Variants in PRKACB observed in about 807,000 individuals in gnomAD.
PRKACB encodes the protein protein kinase cAMP-activated catalytic subunit beta.
A neutral mutation model predicts 51.4 loss-of-function variants in PRKACB; 16 were observed. That is an observed-to-expected ratio of 0.31 (90% CI 0.21 to 0.47). PRKACB has a LOEUF of 0.47. Among genes scored for constraint, PRKACB ranks in the 20% least tolerant of loss-of-function variants. The pLI, the probability that PRKACB is intolerant of heterozygous loss-of-function variation, is 1.00. For missense variants in PRKACB, 309 were observed against 464.5 expected (o/e 0.67, Z 3.08); for synonymous variants, 147 against 154.4 (o/e 0.95, Z 0.35).
chr1:84,096,002 A>T (rs2100789974), intron 1 of PRKACB, among the ~76,000 whole-genome samples: 1 of 152,156 alleles, frequency 6.6e-6, no homozygotes, highest in South Asian at 2.1e-4. Context: ...TGGCATGCCT[A>T]GGAATCTTTA....
intron 1 of PRKACB, among the ~76,000 whole-genome samples, chr1:84,137,472 C>T (rs888630119): frequency 6.6e-6 from 1 of 152,072 alleles, no homozygotes; most frequent in Admixed American, 6.5e-5. Context: ...ACAGCACTTA[C>T]AGCACAAAGA....
At chr1:84,224,291 G>C (rs1280117670) in intron 9 of PRKACB, among the ~76,000 whole-genome samples, 1 of 152,214 alleles carries the variant, frequency 6.6e-6, no homozygotes, top group African/African-American at 2.4e-5. Context: ...CAATTCTTAG[G>C]CCTCTATGTG....
At chr1:84,166,124 T>C (rs1657395440) in intron 1 of PRKACB, among the ~76,000 whole-genome samples, 1 of 151,712 alleles carries the variant, frequency 6.6e-6, no homozygotes, top group Admixed American at 6.6e-5. Flanking sequence ...ATATTAGATA[T>C]TAAAGGGACA....
At chr1:84,230,106 T>C (rs1214958171) in intron 9 of PRKACB, among the ~76,000 whole-genome samples, 4 of 152,250 alleles carry the variant, frequency 2.6e-5, no homozygotes, top group South Asian at 4.1e-4. Context: ...AATTGATTTT[T>C]GTATAAGGTG....
At chr1:84,095,501 A>G (rs1207252666) in intron 1 of PRKACB, among the ~76,000 whole-genome samples, 1 of 151,904 alleles carries the variant, frequency 6.6e-6, no homozygotes, top group Non-Finnish European at 1.5e-5. Context: ...TTGAGAAATC[A>G]GCTGTTAGTC....
At chr1:84,173,246 AGTG>A in intron 1 of PRKACB, 1 of 993,314 alleles carries the variant, frequency 1.0e-6, no homozygotes, top group Non-Finnish European at 1.5e-6. Context: ...GCAGTACAGT[AGTG>A]AACATGTATA....
chr1:84,178,615 G>T (rs934223381), intron 1 of PRKACB, among the ~76,000 whole-genome samples: 16 of 151,890 alleles, frequency 1.1e-4, no homozygotes, highest in African/African-American at 3.9e-4. Context: ...TCGATGTTTT[G>T]TTCTGTTTTT....
At chr1:84,234,741 C>G (rs2101730232) in intron 9 of PRKACB, among the ~76,000 whole-genome samples, 1 of 152,358 alleles carries the variant, frequency 6.6e-6, no homozygotes, top group South Asian at 2.1e-4. Flanking sequence ...CTTGCGCTTC[C>G]TGAGTGAGGC....
At chr1:84,141,240 A>G (rs1026369659), upstream of PRKACB, among the ~76,000 whole-genome samples, 2 of 152,162 alleles carry the variant, frequency 1.3e-5, no homozygotes, top group Non-Finnish European at 2.9e-5. Flanking sequence ...ATGGCGAGAC[A>G]TTTAGTGCGA....
At chr1:84,120,761 T>G (rs991097289) in intron 1 of PRKACB, among the ~76,000 whole-genome samples, 4 of 152,078 alleles carry the variant, frequency 2.6e-5, no homozygotes, top group Non-Finnish European at 4.4e-5. Flanking sequence ...TTTTCTTTTT[T>G]TTCTTAGTGG....
intron 1 of PRKACB, among the ~76,000 whole-genome samples, chr1:84,176,318 T>G (rs1490812956): frequency 6.6e-6 from 1 of 151,828 alleles, no homozygotes; most frequent in Non-Finnish European, 1.5e-5. Context: ...TTTCAGTGGA[T>G]AGAAATTTTT....
chr1:84,193,850 C>A (rs955147692), intron 5 of PRKACB, among the ~76,000 whole-genome samples: 2 of 152,076 alleles, frequency 1.3e-5, no homozygotes, highest in Non-Finnish European at 2.9e-5. Context: ...ACTGGCATAA[C>A]TAAAACACAA....
At chr1:84,137,024 T>C (rs2100574257) in intron 1 of PRKACB, among the ~76,000 whole-genome samples, 1 of 152,170 alleles carries the variant, frequency 6.6e-6, no homozygotes, top group East Asian at 1.9e-4. Flanking sequence ...TGGCACTTCT[T>C]CCTGCCACCT....
intron 9 of PRKACB, among the ~76,000 whole-genome samples, chr1:84,218,232 C>G (rs1673155123): frequency 6.6e-6 from 1 of 152,160 alleles, no homozygotes; most frequent in South Asian, 2.1e-4. Flanking sequence ...GCCTGCTGTG[C>G]TATGAAATGC....
chr1:84,114,003 CTG>C (rs371628147), intron 1 of PRKACB, among the ~76,000 whole-genome samples: 49 of 152,234 alleles, frequency 3.2e-4, no homozygotes, highest in African/African-American at 1.1e-3. Context: ...CTCAAGAAAA[CTG>C]TTAAAATGAT....
At chr1:84,113,663 A>G (rs549716542) in intron 1 of PRKACB, among the ~76,000 whole-genome samples, 18 of 152,352 alleles carry the variant, frequency 1.2e-4, no homozygotes, top group Admixed American at 2.6e-4. Flanking sequence ...ATACTATTCA[A>G]CAATAAAAAA....
chr1:84,175,559 G>A (rs540565984), intron 1 of PRKACB, among the ~76,000 whole-genome samples: 1 of 151,612 alleles, frequency 6.6e-6, no homozygotes, highest in South Asian at 2.1e-4. Context: ...GAATTATATG[G>A]GATGAAGTTA....
chr1:84,095,334 A>G (rs547908525), intron 1 of PRKACB, among the ~76,000 whole-genome samples: 2 of 150,230 alleles, frequency 1.3e-5, no homozygotes, highest in East Asian at 3.9e-4. Context: ...AAGGTGTCCT[A>G]GTGATGAATT....
intron 5 of PRKACB, among the ~76,000 whole-genome samples, chr1:84,188,513 A>G (rs1201943339): frequency 1.3e-5 from 2 of 151,948 alleles, no homozygotes; most frequent in Non-Finnish European, 2.9e-5. Context: ...ATGAAAGTTT[A>G]CAATTAACAA....
Sources: gnomAD v4.1 joint callset for allele counts (sites outside exome capture counted in the v4.1 genomes callset) on GRCh38, gnomAD v4.1.1 for gene constraint, MANE v1.5 for transcripts, NCBI Gene and HGNC (gene_info 2026-07-23, HGNC 2026-07-21) for gene names.